The following SPEN variants were observed in gnomAD, a reference collection of about 807,000 sequenced individuals.
SPEN encodes spen family transcriptional repressor.
In SPEN, 18 loss-of-function variants were observed where a neutral mutation model predicts 269.9. That is an observed-to-expected ratio of 0.07 (90% CI 0.05 to 0.10). SPEN has a LOEUF of 0.10. Ranked by LOEUF, SPEN falls within the 10% of genes least tolerant of loss-of-function variation. SPEN has a pLI of 1.00. For synonymous variants in SPEN, 1,726 were observed against 1,765.7 expected (o/e 0.98, Z 0.56); for missense variants, 3,822 against 4,631.2 (o/e 0.83, Z 5.07).
intron 1 of SPEN, among the ~76,000 whole-genome samples, chr1:15,858,601 C>T (rs2070410156): frequency 1.3e-5 from 2 of 152,174 alleles, no homozygotes; most frequent in African/African-American, 2.4e-5. Context: ...TATCCCTGTT[C>T]TTAAGTGATG....
rs564546868 is a variant in SPEN at position 15,849,624 on chromosome 1, G to A, written c.83+1474G>A. On this transcript the variant is annotated intron_variant, in intron 1 of 14. Transcript: ENST00000375759. ...TGCCTGAGAAACCAGGCGGGGGCGGGGGGAGGCAGGGAGCAAAAATTCACC... is the reference window on the plus strand; with the variant it reads ...TGCCTGAGAAACCAGGCGGGGGCGGAGGGAGGCAGGGAGCAAAAATTCACC... Among the ~76,000 whole-genome samples, 27 of 152,060 alleles carry A rather than the reference G, an allele frequency of 1.8e-4. No homozygotes were observed. The South Asian group carries it at 4.8e-3, about 27-fold the overall frequency.
intron 1 of SPEN, among the ~76,000 whole-genome samples, chr1:15,857,731 G>T (rs528914289): frequency 5.6e-4 from 85 of 151,936 alleles, no homozygotes; most frequent in African/African-American, 1.9e-3. Flanking sequence ...CATAATTATG[G>T]TTCACTGCAG....
chr1:15,905,458 G>A (rs2070946803), intron 3 of SPEN, among the ~76,000 whole-genome samples: 1 of 152,012 alleles, frequency 6.6e-6, no homozygotes. Context: ...CTGACCTCAG[G>A]TGATCCATCT....
intron 3 of SPEN, among the ~76,000 whole-genome samples, chr1:15,889,335 T>G (rs2070768403): frequency 6.6e-6 from 1 of 151,968 alleles, no homozygotes; most frequent in African/African-American, 2.4e-5. Flanking sequence ...CCAACTAATT[T>G]TAGTATTTTT....
At chr1:15,919,197 ATCC>A (rs1390195269) in intron 7 of SPEN, 146 bp downstream of exon 7, 34 of 765,374 alleles carry the variant, frequency 4.4e-5, no homozygotes, top group African/African-American at 7.1e-5. Context: ...TTGCATTCCT[ATCC>A]TATTATATAC....
chr1:15,934,483 C>T lies in SPEN; in HGVS notation c.8243C>T (p.Ala2748Val), dbSNP rs774527727. 1.9e-6 allele frequency: 3 copies of T among 1,614,064 alleles called. No homozygotes were observed. Among genetic ancestry groups the T allele is most frequent in the South Asian group, 2.2e-5 (2 of 91,078 alleles). Residue 2748 changes from alanine (A) to valine (V), a missense_variant, in exon 11 of 15, where the codon GCT (alanine) becomes GTT (valine). This residue lies in a region of SPEN where 329 missense variants were observed against 431.2 expected (regional missense o/e 0.76). Coordinates refer to ENST00000375759, the MANE Select transcript of SPEN (RefSeq NM_015001.3). The surrounding 1 kb of genome is among the most constrained non-coding windows in gnomAD (Gnocchi z 9.2). Reference sequence around the variant, plus strand: ...ACCGTCACAGCGGGTGCGGTTACTGCTGCATCTGGTGGTGTAACGGCCACA... The same window carrying T: ...ACCGTCACAGCGGGTGCGGTTACTGTTGCATCTGGTGGTGTAACGGCCACA... ...AVTVTAGAVT[A>V]ASGGVTATTG...
At chr1:15,918,871 A>G (rs2071089962) in intron 6 of SPEN, 55 bp from the exon 7 acceptor site, 1 of 1,480,394 alleles carries the variant, frequency 6.8e-7, no homozygotes, top group Non-Finnish European at 9.2e-7. Context: ...GACTTGGTTC[A>G]TTCTAATTTA....
intron 3 of SPEN, among the ~76,000 whole-genome samples, chr1:15,883,929 C>A (rs2070712668): frequency 6.6e-6 from 1 of 151,490 alleles, no homozygotes; most frequent in Non-Finnish European, 1.5e-5. Context: ...CTTGCCTCAG[C>A]CTCCCGAGTA....
At position 15,848,130 on chromosome 1, in the gene SPEN, G is replaced by A. The variant is rs757294150; in HGVS notation, c.63G>A (p.Lys21=). 5.3e-6 allele frequency: 8 copies of A among 1,498,308 alleles called. No individual in the cohort carries two copies. In the East Asian group the frequency reaches 2.2e-4, roughly 42 times the overall value. The allele number at this position is 1,498,308 out of a possible 1,614,324, so 92.8% of individuals were successfully genotyped here. A position where few individuals can be genotyped will look rare whatever the true frequency, so the allele number is the denominator to read the frequency against. The change falls in exon 1 of 15, where the codon AAG becomes AAA. Residue 21 remains lysine, a synonymous_variant. Transcript: ENST00000375759. The surrounding 1 kb of genome is among the most constrained non-coding windows in gnomAD (Gnocchi z 5.1). ...TACCCGAGAACGTGCGGGAAGAGAA[G>A]ATCATCGAGCATTTCAAACGGTGAG... ...GNLPENVREE[K]IIEHFKRYGR... is the part of the protein sequence containing the mutation.
chr1:15,921,094 G>A, intron 9 of SPEN, 111 bp downstream of exon 9: 1 of 503,074 alleles, frequency 2.0e-6, no homozygotes, highest in Non-Finnish European at 3.4e-6. Flanking sequence ...GGGAGGCCAA[G>A]GCAGGTGGAT....
chr1:15,899,537 GTTTTTTTTTTTTTT>G (rs34565365), intron 3 of SPEN, among the ~76,000 whole-genome samples: 1 of 83,432 alleles, frequency 1.2e-5, no homozygotes, highest in Non-Finnish European at 2.3e-5. Flanking sequence ...ATGTGGCAGA[GTTTTTTTTTTTTTT>G]TTTTTTTTTT....
intron 5 of SPEN, among the ~76,000 whole-genome samples, chr1:15,913,353 G>C (rs1570040869): frequency 6.6e-6 from 1 of 152,060 alleles, no homozygotes; most frequent in East Asian, 1.9e-4. Flanking sequence ...ACTTTGACTG[G>C]TTGTGAAGGT....
chr1:15,876,414 G>T lies in SPEN; in HGVS notation c.617G>T (p.Arg206Leu). Residue 206 changes from arginine (R) to leucine (L), a missense_variant, in exon 3 of 15, where the codon CGC becomes CTC. Arg to Leu is a moderately radical substitution (Grantham distance 102, BLOSUM62 -2). Transcript: ENST00000375759. ...GACCCCCGATATGAACCTAGGGCTC[G>T]CGAGCAGTTTACACTGCCCAGTGTG... Reference protein sequence around the residue: ...AHDPRYEPRAREQFTLPSVVH... With the variant: ...AHDPRYEPRALEQFTLPSVVH... 1 of 1,614,032 alleles carries T rather than the reference G, an allele frequency of 6.2e-7. No homozygotes were observed. Among genetic ancestry groups the T allele is most frequent in the Non-Finnish European group, 8.5e-7 (1 of 1,180,008 alleles).
chr1:15,919,098 T>A lies in SPEN; in HGVS notation c.1521+47T>A, dbSNP rs942508639. Reference sequence around the variant, plus strand: ...ATTGTGCTGTTATGATTTGCTTTGTTTTTTAAGACTTGAAGGGTTTTTTTT... The same window carrying A: ...ATTGTGCTGTTATGATTTGCTTTGTATTTTAAGACTTGAAGGGTTTTTTTT... On this transcript the variant is annotated intron_variant, in intron 7 of 14. Transcript: ENST00000375759. 4.5e-6 allele frequency: 7 copies of A among 1,570,568 alleles called. No homozygotes were observed. The African/African-American group carries it at 8.3e-5, about 19-fold the overall frequency.
At position 15,931,746 on chromosome 1, in the gene SPEN, G is replaced by C; in HGVS notation, c.5506G>C (p.Val1836Leu). The stretch of plus-strand genomic sequence containing the variant: ...TGTTCAGGCAGCTGCAGTGAGTATC[G>C]TGGAGAAGCCCGTCACAAGGAAGAG... The part of the protein sequence containing the change: ...TPVQAAAVSI[V>L]EKPVTRKSER... The change falls in exon 11 of 15, where the codon GTG becomes CTG. Residue 1836 changes from valine to leucine, a missense_variant. Val to Leu is a conservative substitution (Grantham distance 32). This residue lies in a region of SPEN where 533 missense variants were observed against 618.8 expected (regional missense o/e 0.86). Coordinates refer to ENST00000375759, the MANE Select transcript of SPEN (RefSeq NM_015001.3). This position sits in a 1 kb window ranked among gnomAD's most constrained non-coding sequence, Gnocchi z 4.8. 6.2e-7 allele frequency: 1 copy of C among 1,614,150 alleles called. No homozygotes were observed. Among genetic ancestry groups the C allele is most frequent in the East Asian group, 2.2e-5 (1 of 44,888 alleles).
intron 10 of SPEN, among the ~76,000 whole-genome samples, chr1:15,923,853 A>G (rs943879159): frequency 6.6e-6 from 1 of 152,190 alleles, no homozygotes; most frequent in South Asian, 2.1e-4. Flanking sequence ...TATTTTTAGT[A>G]GAGACGGGGT....
chr1:15,940,413 T>G lies in SPEN; in HGVS notation c.*986T>G. On this transcript the variant is annotated 3_prime_UTR_variant, in exon 15 of 15. Transcript: ENST00000375759. ...TTTTTCTCAGCGCAGTTTTGTTTTG[T>G]GTGTCCATTGGATTACAAACTTTAT... The G allele has an allele frequency of 4.3e-6, 1 of 231,744 alleles. No individual in the cohort carries two copies. The highest frequency in any genetic ancestry group is 6.1e-5 in the East Asian group (1 of 16,366). 14.4% of individuals were successfully genotyped at this position (231,744 alleles called of 1,614,324 possible). A position where few individuals can be genotyped will look rare whatever the true frequency, so the allele number is the denominator to read the frequency against.
chr1:15,935,333 C>T lies in SPEN; in HGVS notation c.9093C>T (p.Pro3031=), dbSNP rs754548886. 153 of 1,613,978 alleles carry T rather than the reference C, an allele frequency of 9.5e-5. No individual in the cohort carries two copies. Among genetic ancestry groups the T allele is most frequent in the Middle Eastern group, 1.6e-4 (1 of 6,084 alleles). Residue 3031 remains proline, a synonymous_variant, in exon 11 of 15, where the codon CCC becomes CCT. Coordinates refer to ENST00000375759, the MANE Select transcript of SPEN (RefSeq NM_015001.3). This position sits in a 1 kb window ranked among gnomAD's most constrained non-coding sequence, Gnocchi z 7.7. The part of the protein sequence containing the change: ...LDAHSPRPSG[P]GPSSFPRASH... ...CTCATTCTCCTCGACCAAGTGGACC[C>T]GGGCCATCCTCATTCCCAAGGGCAA...
Position 15,933,090 on chromosome 1 carries a change from C to A in SPEN, c.6850C>A (p.Pro2284Thr). ...TGAGGCTGCTACAGAATCTTCTAGG[C>A]CTCCAGTCAATGCTCCTGACCCCTC... ...ETEAATESSR[P>T]PVNAPDPSAG... The change falls in exon 11 of 15, where the codon CCT (proline) becomes ACT (threonine). Residue 2284 changes from proline (P) to threonine (T), a missense_variant. Physicochemically the swap from Pro to Thr is conservative, Grantham distance 38. This residue lies in a region of SPEN where 727 missense variants were observed against 737.9 expected (regional missense o/e 0.99). Coordinates refer to ENST00000375759, the MANE Select transcript of SPEN (RefSeq NM_015001.3). The surrounding 1 kb of genome is among the most constrained non-coding windows in gnomAD (Gnocchi z 5.7). The A allele has an allele frequency of 1.2e-6, 2 of 1,614,144 alleles. No homozygotes were observed. Among genetic ancestry groups the A allele is most frequent in the South Asian group, 1.1e-5 (1 of 91,080 alleles).
Sources: gnomAD v4.1 joint callset for allele counts (sites outside exome capture counted in the v4.1 genomes callset) on GRCh38, gnomAD v4.1.1 for gene constraint, gnomAD v4.1.1 regional missense constraint, Gnocchi (gnomAD v3.1) non-coding constraint, MANE v1.5 for transcripts, NCBI Gene and HGNC (gene_info 2026-07-23, HGNC 2026-07-21) for gene names.